TENM4: variants seen among roughly 807,000 people sequenced by gnomAD.
The protein encoded by TENM4 is teneurin-4.
TENM4 carries 82 observed loss-of-function variants against 243.3 expected under a neutral mutation model. The ratio of observed to expected loss-of-function variants is 0.34; its 90% CI spans 0.28 to 0.40. TENM4 has a LOEUF of 0.40. TENM4 is among the 10% of genes least tolerant of loss of function. The probability of loss-of-function intolerance (pLI) is 1.00; values close to 1 mark genes in which losing one functional copy is unlikely to be tolerated. For missense variants in TENM4, 3,138 were observed against 3,673.3 expected (o/e 0.85, Z 3.77); for synonymous variants, 1,412 against 1,456.3 (o/e 0.97, Z 0.69).
chr11:78,770,885 T>C, intron 18 of TENM4, 107 bp downstream of exon 18: 1 of 1,451,152 alleles, frequency 6.9e-7, no homozygotes, highest in East Asian at 2.5e-5. Context: ...TCCCCCTGAC[T>C]GGATGACTGG....
intron 1 of TENM4, among the ~76,000 whole-genome samples, chr11:79,413,745 T>A (rs1326896439): frequency 2.6e-5 from 4 of 152,218 alleles, no homozygotes; most frequent in African/African-American, 9.6e-5. Flanking sequence ...AGAAGTTAGA[T>A]GATAACTGTA....
intron 19 of TENM4, among the ~76,000 whole-genome samples, chr11:78,743,877 G>GAGA (rs1855987110): frequency 1.3e-5 from 2 of 152,174 alleles, no homozygotes; most frequent in Admixed American, 6.5e-5. Flanking sequence ...TGGTATTCAG[G>GAGA]AGACGGGAAT....
intron 12 of TENM4, among the ~76,000 whole-genome samples, chr11:78,851,129 T>C (rs572052984): frequency 2.6e-5 from 4 of 152,326 alleles, no homozygotes; most frequent in Admixed American, 2.6e-4. Context: ...TCTAACCCCT[T>C]GCCACTTAAA....
At chr11:79,164,704 G>A (rs1247249522) in intron 3 of TENM4, among the ~76,000 whole-genome samples, 2 of 150,950 alleles carry the variant, frequency 1.3e-5, no homozygotes, top group Non-Finnish European at 2.9e-5. Context: ...TGAATCATGG[G>A]GGCTGATCTT....
chr11:79,030,777 A>C (rs1051595188), intron 6 of TENM4, among the ~76,000 whole-genome samples: 1 of 152,132 alleles, frequency 6.6e-6, no homozygotes, highest in Non-Finnish European at 1.5e-5. Flanking sequence ...CTTAAACGAC[A>C]GTAATTCTCC....
At chr11:79,341,057 G>C (rs1487503161) in intron 1 of TENM4, among the ~76,000 whole-genome samples, 1 of 152,118 alleles carries the variant, frequency 6.6e-6, no homozygotes, top group Non-Finnish European at 1.5e-5. Context: ...AGGCTGGGGA[G>C]AGACCACACA....
At chr11:78,662,735 G>A (rs80309283) in intron 32 of TENM4, among the ~76,000 whole-genome samples, 4,325 of 152,234 alleles carry the variant, frequency 0.028, 214 homozygotes, top group African/African-American at 0.099. Flanking sequence ...GGACTATGCC[G>A]TTGAGACCCT....
chr11:78,981,561 A>G (rs945331081), intron 6 of TENM4, among the ~76,000 whole-genome samples: 4 of 152,124 alleles, frequency 2.6e-5, no homozygotes, highest in Admixed American at 6.5e-5. Flanking sequence ...GGCCAATCTG[A>G]TATGAGGAGA....
chr11:79,436,502 C>T (rs1859273572), intron 1 of TENM4, among the ~76,000 whole-genome samples: 1 of 152,214 alleles, frequency 6.6e-6, no homozygotes, highest in South Asian at 2.1e-4. Context: ...TATCACCTTA[C>T]TCCCACAAAA....
At chr11:79,214,817 G>A (rs916784562) in intron 3 of TENM4, among the ~76,000 whole-genome samples, 12 of 152,206 alleles carry the variant, frequency 7.9e-5, no homozygotes, top group African/African-American at 2.2e-4. Context: ...CATCCAGGTC[G>A]TACCCCTAAA....
intron 3 of TENM4, among the ~76,000 whole-genome samples, chr11:79,194,603 G>A (rs975315535): frequency 6.6e-6 from 1 of 152,156 alleles, no homozygotes; most frequent in Admixed American, 6.5e-5. Context: ...CTGCCCTAGA[G>A]ATTTGTGGAA....
At chr11:79,066,730 G>GCGCACGCACA (rs71050206) in intron 5 of TENM4, among the ~76,000 whole-genome samples, 88,442 of 150,632 alleles carry the variant, frequency 0.59, 26,253 homozygotes, top group Middle Eastern at 0.63. Flanking sequence ...GAGCACACAC[G>GCGCACGCACA]CGCACGCACA....
At chr11:79,299,820 A>G (rs1017764191) in intron 1 of TENM4, among the ~76,000 whole-genome samples, 4 of 152,206 alleles carry the variant, frequency 2.6e-5, no homozygotes, top group African/African-American at 7.2e-5. Flanking sequence ...CTAAAGCTCT[A>G]AGCTTCCATT....
intron 3 of TENM4, among the ~76,000 whole-genome samples, chr11:79,209,690 C>T (rs1476506786): frequency 2.0e-5 from 3 of 152,156 alleles, no homozygotes; most frequent in Non-Finnish European, 4.4e-5. Flanking sequence ...GAGCTGAAAC[C>T]GGCATGAGGT....
intron 6 of TENM4, among the ~76,000 whole-genome samples, chr11:78,907,225 C>T (rs1030601353): frequency 1.3e-5 from 2 of 151,216 alleles, no homozygotes; most frequent in African/African-American, 4.9e-5. Context: ...CAAATGTTTC[C>T]TCTGGTCTGA....
At chr11:79,209,831 G>A (rs1863924193) in intron 3 of TENM4, among the ~76,000 whole-genome samples, 1 of 152,232 alleles carries the variant, frequency 6.6e-6, no homozygotes, top group Non-Finnish European at 1.5e-5. Context: ...GGACAAGACA[G>A]GCAGGCCTGG....
At chr11:78,859,903 T>G (rs1858774405) in intron 10 of TENM4, among the ~76,000 whole-genome samples, 2 of 152,234 alleles carry the variant, frequency 1.3e-5, no homozygotes, top group African/African-American at 4.8e-5. Context: ...AATGTTTTTT[T>G]CCCTTCCCCA....
intron 18 of TENM4, among the ~76,000 whole-genome samples, chr11:78,768,342 A>G (rs1434074586): frequency 1.3e-5 from 2 of 152,188 alleles, no homozygotes; most frequent in Admixed American, 1.3e-4. Flanking sequence ...ATGATGACCC[A>G]CGGGATGTCT....
chr11:79,003,652 G>A (rs1241007499), intron 6 of TENM4, among the ~76,000 whole-genome samples: 1 of 152,084 alleles, frequency 6.6e-6, no homozygotes, highest in African/African-American at 2.4e-5. Context: ...GCAAGGGAGT[G>A]CTAAATATGG....
Sources: gnomAD v4.1 joint callset for allele counts (sites outside exome capture counted in the v4.1 genomes callset) on GRCh38, gnomAD v4.1.1 for gene constraint, MANE v1.5 for transcripts, NCBI Gene and HGNC (gene_info 2026-07-23, HGNC 2026-07-21) for gene names.